TCF3: variants seen among roughly 807,000 people sequenced by gnomAD.
The protein encoded by TCF3 is transcription factor 3, also known as transcription factor E2-alpha.
In TCF3, 54 loss-of-function variants were observed where a neutral mutation model predicts 72.3. The observed-to-expected ratio is 0.75, with a 90% confidence interval of 0.60 to 0.94. The LOEUF (loss-of-function observed/expected upper bound fraction) is 0.94, where lower values mean the gene tolerates loss of function less well. TCF3 is among the 40% of genes least tolerant of loss of function. The probability of loss-of-function intolerance (pLI) is 0.00; values close to 1 mark genes in which losing one functional copy is unlikely to be tolerated. For missense variants in TCF3, 1,078 were observed against 934.4 expected (o/e 1.15, Z -2.00); for synonymous variants, 525 against 412.6 (o/e 1.27, Z -3.30).
Position 1,615,306 on chromosome 19 carries a change from T to C in TCF3, c.1801A>G (p.Asn601Asp). 1 of 1,600,364 alleles carries C rather than the reference T, an allele frequency of 6.2e-7. No individual in the cohort carries two copies. Among genetic ancestry groups the C allele is most frequent in the Non-Finnish European group, 8.6e-7 (1 of 1,169,390 alleles). The part of the protein sequence containing the change: ...ILHQAVSVIL[N>D]LEQQVRERNL... ...TGACCTCGCACTTGCTGCTCCAAGT[T>C]CAGGATGACCGAGACAGCCTGGTGC... is the stretch of plus-strand genomic sequence containing the variant. The change falls in exon 18 of 19, where the codon AAC becomes GAC. Residue 601 changes from asparagine (N) to aspartate (D), a missense_variant. Physicochemically the swap from Asn to Asp is conservative, Grantham distance 23. Transcript: ENST00000262965. The surrounding 1 kb of genome is among the most constrained non-coding windows in gnomAD (Gnocchi z 7.3).
At position 1,650,229 on chromosome 19, in the gene TCF3, A is replaced by G. The variant is rs1451216565; in HGVS notation, c.20T>C (p.Met7Thr). Residue 7 changes from methionine to threonine, a missense_variant, in exon 2 of 19, where the codon ATG becomes ACG. Physicochemically the swap from Met to Thr is moderately conservative, Grantham distance 81. Coordinates refer to ENST00000262965, the MANE Select transcript of TCF3 (RefSeq NM_003200.5). Reference sequence around the variant, plus strand: ...CTCCTTGTCTGTGCCCACAGGCGCCATCCTCTGCGGCTGGTTCATTCTCCT... The same window carrying G: ...CTCCTTGTCTGTGCCCACAGGCGCCGTCCTCTGCGGCTGGTTCATTCTCCT... MNQPQR[M>T]APVGTDKELS... is the part of the protein sequence containing the mutation. The G allele has an allele frequency of 5.7e-6, 9 of 1,569,600 alleles. No homozygotes were observed. Among genetic ancestry groups the G allele is most frequent in the Non-Finnish European group, 7.8e-6 (9 of 1,158,474 alleles).
At position 1,619,420 on chromosome 19, in the gene TCF3, C is replaced by T. The variant is rs760988552; in HGVS notation, c.1222G>A (p.Ala408Thr). 1.4e-5 allele frequency: 22 copies of T among 1,591,228 alleles called. No homozygotes were observed. The highest frequency in any genetic ancestry group is 7.7e-5 in the South Asian group (7 of 90,726). Reference protein sequence around the residue: ...DEAIHVLRSHAVGTAGDMHTL... With the variant: ...DEAIHVLRSHTVGTAGDMHTL... The stretch of plus-strand genomic sequence containing the variant: ...TGCATGTCGCCGGCTGTGCCCACGG[C>T]GTGGCTGCGGAGCACGTGGATGGCC... Residue 408 changes from alanine to threonine, a missense_variant, in exon 15 of 19, where the codon GCC (alanine) becomes ACC (threonine). Transcript: ENST00000262965.
rs548856424 is a variant in TCF3 at position 1,615,682 on chromosome 19, G to C, written c.1586+4C>G. The C allele has an allele frequency of 1.2e-6, 2 of 1,613,294 alleles. No homozygotes were observed. The highest frequency in any genetic ancestry group is 3.3e-5 in the Admixed American group (2 of 59,996). On this transcript the variant is annotated splice_donor_region_variant and intron_variant, in intron 17 of 18. Coordinates refer to ENST00000262965, the MANE Select transcript of TCF3 (RefSeq NM_003200.5). The surrounding 1 kb of genome is among the most constrained non-coding windows in gnomAD (Gnocchi z 7.3). ...GTGGGGAGTGCCGAGGGGTGGGTTGGCACCTGGTCCGGGCCCGGGGGGCCT... is the reference window on the plus strand; with the variant it reads ...GTGGGGAGTGCCGAGGGGTGGGTTGCCACCTGGTCCGGGCCCGGGGGGCCT...
chr19:1,629,484 G>A (rs200243371), intron 5 of TCF3, among the ~76,000 whole-genome samples: 14 of 152,146 alleles, frequency 9.2e-5, no homozygotes, highest in East Asian at 7.7e-4. Context: ...TGGCCAGGGC[G>A]AGCCCCCAGC....
chr19:1,625,688 C>T lies in TCF3; in HGVS notation c.387G>A (p.Glu129=). Residue 129 remains glutamate (E), a synonymous_variant, in exon 7 of 19, where the codon GAG becomes GAA. Transcript: ENST00000262965. ...GGGGCCCGGGGCTGTTGAGGGCCAG[C>T]TCGCCTGACAGGAAGCCAGCCTGGT... ...GLTQAGFLSG[E]LALNSPGPLS... is the part of the protein sequence containing the mutation. 2 of 1,518,788 alleles carry T rather than the reference C, an allele frequency of 1.3e-6. No homozygotes were observed. Among genetic ancestry groups the T allele is most frequent in the Admixed American group, 2.4e-5 (1 of 41,348 alleles). 94.1% of individuals were successfully genotyped at this position (1,518,788 alleles called of 1,614,324 possible).
At chr19:1,644,849 C>G (rs911010652) in intron 3 of TCF3, among the ~76,000 whole-genome samples, 3 of 152,022 alleles carry the variant, frequency 2.0e-5, no homozygotes, top group Admixed American at 1.3e-4. Context: ...ACCCAGAGGC[C>G]CAGGAGAATG....
At chr19:1,629,461 G>A (rs183454754) in intron 5 of TCF3, among the ~76,000 whole-genome samples, 150 of 152,184 alleles carry the variant, frequency 9.9e-4, no homozygotes, top group Admixed American at 3.3e-3. Context: ...TCGGGGCTAC[G>A]GAGGGGGTCA....
intron 3 of TCF3, among the ~76,000 whole-genome samples, chr19:1,633,573 C>T (rs934271341): frequency 6.6e-6 from 1 of 152,212 alleles, no homozygotes; most frequent in South Asian, 2.1e-4. Flanking sequence ...TGTTTAATTG[C>T]TGTCTGATTT....
chr19:1,644,601 C>T (rs1037687077), intron 3 of TCF3, among the ~76,000 whole-genome samples: 2 of 152,234 alleles, frequency 1.3e-5, no homozygotes, highest in Admixed American at 6.5e-5. Context: ...TCTGTGGGAA[C>T]CACAGAAAAT....
rs2061440964 is a variant in TCF3 at position 1,615,346 on chromosome 19, G to C, written c.1761C>G (p.Thr587=). 2 of 1,613,420 alleles carry C rather than the reference G, an allele frequency of 1.2e-6. No individual in the cohort carries two copies. Among genetic ancestry groups the C allele is most frequent in the Non-Finnish European group, 1.7e-6 (2 of 1,179,552 alleles). The part of the protein sequence containing the change: ...QLHLNSEKPQ[T]KLLILHQAVS... ...CAGCCTGGTGCAGGATGAGCAGTTT[G>C]GTCTGGGGCTTCTCGCTGTTGAGGT... The change falls in exon 18 of 19, where the codon ACC becomes ACG. Residue 587 remains threonine (T), a synonymous_variant. Transcript: ENST00000262965. The surrounding 1 kb of genome is among the most constrained non-coding windows in gnomAD (Gnocchi z 7.3).
chr19:1,647,321 T>A (rs1045654211), intron 2 of TCF3, among the ~76,000 whole-genome samples: 4 of 152,298 alleles, frequency 2.6e-5, no homozygotes, highest in South Asian at 2.1e-4. Flanking sequence ...AAGGCTCCCA[T>A]CGGGGCTTAA....
At chr19:1,649,762 T>C (rs1393510837) in intron 2 of TCF3, among the ~76,000 whole-genome samples, 1 of 152,152 alleles carries the variant, frequency 6.6e-6, no homozygotes, top group Non-Finnish European at 1.5e-5. Flanking sequence ...AGGGTCTCAC[T>C]GTCAACCAGA....
rs1262327113 is a variant in TCF3, at chr19:1,621,769, C to T, written c.955+69G>A. The T allele has an allele frequency of 5.4e-6, 8 of 1,475,228 alleles. No individual in the cohort carries two copies. The East Asian group carries it at 7.3e-5, about 14-fold the overall frequency. 91.4% of individuals were successfully genotyped at this position (1,475,228 alleles called of 1,614,324 possible). ...GCGCCTCCCGTGGAGTCCTCGCCAC[C>T]CCCCACCCAGACCCTGCCTGGAGCC... On this transcript the variant is annotated intron_variant, in intron 11 of 18. Coordinates refer to ENST00000262965, the MANE Select transcript of TCF3 (RefSeq NM_003200.5).
Position 1,615,393 on chromosome 19 carries a change from G to A in TCF3, c.1714C>T (p.Leu572=). ...AGGTGCAGTTGGCACATGCGCCCCA[G>A]CTCCTTAAAGGCCTCGTTGATGTCA... The part of the protein sequence containing the change: ...VRDINEAFKE[L]GRMCQLHLNS... The change falls in exon 18 of 19, where the codon CTG becomes TTG. Residue 572 remains leucine (L), a synonymous_variant. Transcript: ENST00000262965. This position sits in a 1 kb window ranked among gnomAD's most constrained non-coding sequence, Gnocchi z 7.3. 1 of 1,614,084 alleles carries A rather than the reference G, an allele frequency of 6.2e-7. No homozygotes were observed. Among genetic ancestry groups the A allele is most frequent in the Non-Finnish European group, 8.5e-7 (1 of 1,179,988 alleles).
intron 3 of TCF3, among the ~76,000 whole-genome samples, chr19:1,640,886 C>T (rs8103579): frequency 6.6e-6 from 1 of 151,612 alleles, no homozygotes; most frequent in East Asian, 1.9e-4. Context: ...CGGTGGTTCA[C>T]GCCTGTAATC....
At chr19:1,639,052 T>C (rs2064864245) in intron 3 of TCF3, among the ~76,000 whole-genome samples, 1 of 152,102 alleles carries the variant, frequency 6.6e-6, no homozygotes, top group South Asian at 2.1e-4. Flanking sequence ...CAAGGGAGGT[T>C]TCTTTTTCTG....
rs1480953131 is a variant in TCF3 at position 1,635,365 on chromosome 19, A to C, written c.146-2960T>G. 2.6e-5 allele frequency among the ~76,000 whole-genome samples: 4 copies of C among 152,108 alleles called. No homozygotes were observed. In the East Asian group the frequency reaches 5.8e-4, roughly 22 times the overall value. Reference sequence around the variant, plus strand: ...CTGACATCCTCAGGCAGCCGGATGGAGCCTTTAGAAGCAAAACTTGGCTCT... The same window carrying C: ...CTGACATCCTCAGGCAGCCGGATGGCGCCTTTAGAAGCAAAACTTGGCTCT... On this transcript the variant is annotated intron_variant, in intron 3 of 18. Coordinates refer to ENST00000262965, the MANE Select transcript of TCF3 (RefSeq NM_003200.5).
intron 3 of TCF3, among the ~76,000 whole-genome samples, chr19:1,641,256 G>C (rs1350721588): frequency 6.6e-6 from 1 of 151,416 alleles, no homozygotes; most frequent in Non-Finnish European, 1.5e-5. Flanking sequence ...TTATGCTAAC[G>C]TAACAGAATA....
intron 4 of TCF3, 101 bp from the exon 5 acceptor site, chr19:1,632,217 C>T: frequency 2.6e-6 from 4 of 1,548,604 alleles, no homozygotes; most frequent in Non-Finnish European, 3.5e-6. Context: ...CCATGTCCCC[C>T]AGTCCAAACC....
Sources: allele counts gnomAD v4.1 joint callset (sites outside exome capture counted in the v4.1 genomes callset), GRCh38; gene constraint gnomAD v4.1.1; non-coding constraint Gnocchi (gnomAD v3.1); transcripts MANE v1.5; gene names NCBI Gene and HGNC (gene_info 2026-07-23, HGNC 2026-07-21).